Variants in PTPRD observed in about 807,000 individuals in gnomAD.
The protein encoded by PTPRD is protein tyrosine phosphatase receptor type D.
In PTPRD, 34 loss-of-function variants were observed where a neutral mutation model predicts 214.5. The ratio of observed to expected loss-of-function variants is 0.16; its 90% CI spans 0.12 to 0.21. The LOEUF (loss-of-function observed/expected upper bound fraction) is 0.21, where lower values mean the gene tolerates loss of function less well. PTPRD is among the 10% of genes least tolerant of loss of function. The pLI is 1.00. For synonymous variants in PTPRD, 1,128 were observed against 845.7 expected, an observed-to-expected ratio of 1.33 and a Z score of -5.79; for missense variants, 2,545 against 2,398.7, an observed-to-expected ratio of 1.06 and a Z score of -1.27.
intron 3 of PTPRD, among the ~76,000 whole-genome samples, chr9:10,256,072 G>T (rs1366736046): frequency 6.6e-6 from 1 of 152,166 alleles, no homozygotes; most frequent in Non-Finnish European, 1.5e-5. Flanking sequence ...CATATGTGAG[G>T]AGTCTAGGTG....
intron 3 of PTPRD, among the ~76,000 whole-genome samples, chr9:10,164,042 A>G (rs1409354687): frequency 6.6e-6 from 1 of 151,516 alleles, no homozygotes; most frequent in Non-Finnish European, 1.5e-5. Flanking sequence ...GGCCTGAAGC[A>G]CAGGATAGAA....
intron 9 of PTPRD, among the ~76,000 whole-genome samples, chr9:9,306,416 A>T (rs920842978): frequency 2.0e-5 from 3 of 151,542 alleles, no homozygotes; most frequent in Non-Finnish European, 4.4e-5. Context: ...ATAAAAAACT[A>T]GCTGGGTGGG....
At chr9:10,294,980 T>C (rs2095633482) in intron 3 of PTPRD, among the ~76,000 whole-genome samples, 1 of 152,018 alleles carries the variant, frequency 6.6e-6, no homozygotes, top group Non-Finnish European at 1.5e-5. Context: ...TAAGTTCTTC[T>C]AGTCAGATGG....
intron 10 of PTPRD, among the ~76,000 whole-genome samples, chr9:9,130,970 T>A (rs2099841641): frequency 6.6e-6 from 1 of 152,196 alleles, no homozygotes; most frequent in Non-Finnish European, 1.5e-5. Context: ...CATTTCCTGG[T>A]ACAAATTTTA....
At chr9:10,419,801 T>A (rs1241889718) in intron 2 of PTPRD, among the ~76,000 whole-genome samples, 1 of 151,836 alleles carries the variant, frequency 6.6e-6, no homozygotes, top group African/African-American at 2.4e-5. Context: ...TTTACATTAA[T>A]ACTTCAAAGC....
intron 2 of PTPRD, among the ~76,000 whole-genome samples, chr9:10,411,083 T>G (rs1307057165): frequency 1.3e-5 from 2 of 151,798 alleles, no homozygotes; most frequent in African/African-American, 2.4e-5. Context: ...CTTTTTAAAT[T>G]TATTTACTTT....
chr9:10,606,020 C>T (rs1402549904), intron 2 of PTPRD, among the ~76,000 whole-genome samples: 1 of 151,778 alleles, frequency 6.6e-6, no homozygotes, highest in Non-Finnish European at 1.5e-5. Context: ...AAGAGTAGTG[C>T]ATAATGTGAA....
intron 28 of PTPRD, 153 bp downstream of exon 28, chr9:8,485,609 C>T (rs1433388063): frequency 2.7e-6 from 2 of 729,286 alleles, no homozygotes; most frequent in African/African-American, 3.6e-5. Flanking sequence ...TCTAAGGCAT[C>T]CAAGACGTAG....
intron 10 of PTPRD, among the ~76,000 whole-genome samples, chr9:9,126,336 G>C (rs934434149): frequency 2.6e-5 from 4 of 152,176 alleles, no homozygotes; most frequent in Admixed American, 6.5e-5. Flanking sequence ...CAACCGGTCA[G>C]AAGGAACACT....
chr9:10,204,878 C>G (rs1410696148), intron 3 of PTPRD, among the ~76,000 whole-genome samples: 1 of 152,154 alleles, frequency 6.6e-6, no homozygotes, highest in African/African-American at 2.4e-5. Context: ...CACAACAAGT[C>G]TAGGACTTGT....
At chr9:9,282,556 G>C (rs1948086114) in intron 9 of PTPRD, among the ~76,000 whole-genome samples, 1 of 151,252 alleles carries the variant, frequency 6.6e-6, no homozygotes, top group African/African-American at 2.4e-5. Context: ...TCAGTTCCTA[G>C]GTTTGATTCT....
intron 35 of PTPRD, among the ~76,000 whole-genome samples, chr9:8,418,561 A>G (rs1032852186): frequency 1.1e-4 from 16 of 149,866 alleles, no homozygotes; most frequent in Admixed American, 2.0e-4. Context: ...AAATGTATGT[A>G]AAATACATTT....
intron 11 of PTPRD, among the ~76,000 whole-genome samples, chr9:8,793,460 G>A (rs1429639974): frequency 6.6e-6 from 1 of 152,168 alleles, no homozygotes; most frequent in Non-Finnish European, 1.5e-5. Context: ...AGCTTCATGA[G>A]AGACTCTGAG....
intron 30 of PTPRD, among the ~76,000 whole-genome samples, chr9:8,478,244 G>A (rs2096805252): frequency 6.6e-6 from 1 of 152,084 alleles, no homozygotes; most frequent in Admixed American, 6.6e-5. Context: ...GCCTTTGTGA[G>A]TTAAAGTAAT....
chr9:9,699,312 T>G (rs75052367), intron 7 of PTPRD, among the ~76,000 whole-genome samples: 1,539 of 152,286 alleles, frequency 0.01, 28 homozygotes, highest in African/African-American at 0.035. Context: ...AATAATTTCC[T>G]TTTCATATTA....
At chr9:8,664,173 A>G (rs2097125714) in intron 12 of PTPRD, among the ~76,000 whole-genome samples, 1 of 152,204 alleles carries the variant, frequency 6.6e-6, no homozygotes, top group South Asian at 2.1e-4. Flanking sequence ...AGATATGCAA[A>G]CGTTTACACC....
intron 5 of PTPRD, among the ~76,000 whole-genome samples, chr9:9,918,002 G>A (rs898894286): frequency 1.3e-5 from 2 of 151,856 alleles, no homozygotes; most frequent in Non-Finnish European, 1.5e-5. Flanking sequence ...CCCTAAGAAC[G>A]AGAAAAGACA....
At chr9:8,435,095 G>A (rs2132426784) in intron 35 of PTPRD, among the ~76,000 whole-genome samples, 1 of 152,324 alleles carries the variant, frequency 6.6e-6, no homozygotes, top group East Asian at 1.9e-4. Context: ...TGACAAAGAT[G>A]CTGCAGTATG....
intron 4 of PTPRD, among the ~76,000 whole-genome samples, chr9:9,971,332 G>A (rs1276385142): frequency 6.6e-6 from 1 of 152,004 alleles, no homozygotes; most frequent in African/African-American, 2.4e-5. Context: ...GGTGTTGAGC[G>A]GTATGGCTAT....
Sources: gnomAD v4.1 joint callset for allele counts (sites outside exome capture counted in the v4.1 genomes callset) on GRCh38, gnomAD v4.1.1 for gene constraint, MANE v1.5 for transcripts, NCBI Gene and HGNC (gene_info 2026-07-23, HGNC 2026-07-21) for gene names.